Variants in LIPF observed in about 807,000 individuals in gnomAD.
LIPF encodes lipase F, gastric type, also known as gastric triacylglycerol lipase.
Under a neutral mutation model 38.0 loss-of-function variants are expected in LIPF, and 25 were observed. That is an observed-to-expected ratio of 0.66 (90% CI 0.48 to 0.92). The LOEUF is 0.92. Among genes scored for constraint, LIPF ranks in the 40% least tolerant of loss-of-function variants. The pLI is 0.00. For missense variants in LIPF, 410 were observed against 469.9 expected (o/e 0.87, Z 1.18); for synonymous variants, 161 against 156.2 (o/e 1.03, Z -0.23).
intron 9 of LIPF, among the ~76,000 whole-genome samples, chr10:88,676,490 C>T (rs1262974381): frequency 6.6e-6 from 1 of 152,184 alleles, no homozygotes; most frequent in African/African-American, 2.4e-5. Flanking sequence ...GTACTACACC[C>T]CTGTGTGTGA....
rs543843376 is a variant in LIPF at position 88,678,459 on chromosome 10, C to T, written c.975C>T (p.Tyr325=). 9.1e-4 allele frequency: 1,473 copies of T among 1,613,746 alleles called. 22 individuals carry two copies. The South Asian group carries it at 0.015, about 17-fold the overall frequency. The part of the protein sequence containing the change: ...RMHYDQSQPP[Y]YNVTAMNVPI... ...GTGTTTTCTAGTCCCAACCTCCCTA[C>T]TACAATGTGACAGCCATGAATGTAC... Residue 325 remains tyrosine (Y), a synonymous_variant, in exon 10 of 10, where the codon TAC becomes TAT. Coordinates refer to ENST00000238983, the MANE Select transcript of LIPF (RefSeq NM_004190.4).
chr10:88,668,677 C>G lies in LIPF; in HGVS notation c.343C>G (p.Leu115Val). The G allele has an allele frequency of 6.2e-7, 1 of 1,614,110 alleles. No individual in the cohort carries two copies. Among genetic ancestry groups the G allele is most frequent in the Non-Finnish European group, 8.5e-7 (1 of 1,179,984 alleles). Residue 115 changes from leucine to valine, a missense_variant, in exon 4 of 10, where the codon CTG becomes GTG. Leu to Val is a conservative substitution (Grantham distance 32). Coordinates refer to ENST00000238983, the MANE Select transcript of LIPF (RefSeq NM_004190.4). ...GGCAGATGCTGGTTATGATGTGTGGCTGGGCAACAGCAGAGGAAACACCTG... is the reference window on the plus strand; with the variant it reads ...GGCAGATGCTGGTTATGATGTGTGGGTGGGCAACAGCAGAGGAAACACCTG... ...ILADAGYDVWLGNSRGNTWAR... is the reference protein window; with the variant it reads ...ILADAGYDVWVGNSRGNTWAR...
chr10:88,677,307 C>A (rs1334446405), intron 9 of LIPF, among the ~76,000 whole-genome samples: 1 of 152,166 alleles, frequency 6.6e-6, no homozygotes, highest in African/African-American at 2.4e-5. Context: ...CTTTGAGTCT[C>A]TCTTTCTACT....
At chr10:88,664,537 A>AT (rs1244018953) in intron 1 of LIPF, 46 bp downstream of exon 1, 4 of 152,572 alleles carry the variant, frequency 2.6e-5, no homozygotes, top group East Asian at 1.9e-4. Context: ...GAATTATTAG[A>AT]TTTTTTCTTT....
intron 6 of LIPF, among the ~76,000 whole-genome samples, chr10:88,672,657 C>T (rs1034326628): frequency 2.2e-5 from 3 of 139,500 alleles, no homozygotes; most frequent in Admixed American, 7.2e-5. Context: ...CACACACACA[C>T]ACACACACAC....
chr10:88,667,379 A>C lies in LIPF; in HGVS notation c.82A>C (p.Ser28Arg), dbSNP rs1841528289. 2 of 1,602,342 alleles carry C rather than the reference A, an allele frequency of 1.2e-6. No homozygotes were observed. Among genetic ancestry groups the C allele is most frequent in the Non-Finnish European group, 1.7e-6 (2 of 1,169,374 alleles). ...TTTGTTTGGAAAATTACATCCTGGA[A>C]GCCCTGAAGTGACTATGAACATTGT... The part of the protein sequence containing the change: ...HGLFGKLHPG[S>R]PEVTMNISQM... Residue 28 changes from serine (S) to arginine (R), a missense_variant, in exon 2 of 10, where the codon AGC becomes CGC. By Grantham distance (110) the Ser-to-Arg change is moderately radical (BLOSUM62 -1). Transcript: ENST00000238983.
chr10:88,665,928 G>A (rs1039090942), intron 1 of LIPF, among the ~76,000 whole-genome samples: 3 of 151,882 alleles, frequency 2.0e-5, no homozygotes, highest in Non-Finnish European at 2.9e-5. Flanking sequence ...TAGTAGAGAC[G>A]TGGTTTCACC....
At chr10:88,667,865 T>C (rs976543089) in intron 3 of LIPF, among the ~76,000 whole-genome samples, 179 bp downstream of exon 3, 2 of 152,226 alleles carry the variant, frequency 1.3e-5, no homozygotes, top group Admixed American at 1.3e-4. Flanking sequence ...AAAAATAAGC[T>C]ATATTTTCAG....
Position 88,668,757 on chromosome 10 carries a change from G to A in LIPF, c.422+1G>A, listed in dbSNP as rs147791767. 1 of 1,612,344 alleles carries A rather than the reference G, an allele frequency of 6.2e-7. No homozygotes were observed. The highest frequency in any genetic ancestry group is 1.1e-5 in the South Asian group (1 of 90,956). Reference sequence around the variant, plus strand: ...ATTCAGTTGAATTCTGGGCTTTCAGGTAAACAAAAGGGACAATTAAAAATA... The same window carrying A: ...ATTCAGTTGAATTCTGGGCTTTCAGATAAACAAAAGGGACAATTAAAAATA... On this transcript the variant is annotated splice_donor_variant, in intron 4 of 9. Coordinates refer to ENST00000238983, the MANE Select transcript of LIPF (RefSeq NM_004190.4). LOFTEE classifies it high-confidence loss of function.
rs570876076 is a variant in LIPF, at chr10:88,664,510, G to A, written c.-12+19G>A. The A allele has an allele frequency of 6.5e-5, 10 of 152,762 alleles. No individual in the cohort carries two copies. Among genetic ancestry groups the A allele is most frequent in the African/African-American group, 2.4e-4 (10 of 41,560 alleles). 9.5% of individuals were successfully genotyped at this position (152,762 alleles called of 1,614,324 possible). A position where few individuals can be genotyped will look rare whatever the true frequency, so the allele number is the denominator to read the frequency against. Reference sequence around the variant, plus strand: ...GGAAACTGTAAGTAGAACTTCTGCTGAACAAAATTGTTATTTGAATTATTA... The same window carrying A: ...GGAAACTGTAAGTAGAACTTCTGCTAAACAAAATTGTTATTTGAATTATTA... On this transcript the variant is annotated intron_variant, in intron 1 of 9. Coordinates refer to ENST00000238983, the MANE Select transcript of LIPF (RefSeq NM_004190.4).
At chr10:88,675,744 T>C in intron 8 of LIPF, 87 bp downstream of exon 8, 1 of 884,102 alleles carries the variant, frequency 1.1e-6, no homozygotes, top group Non-Finnish European at 1.8e-6. Flanking sequence ...AATATCCTGC[T>C]GAGTACACCT....
intron 9 of LIPF, among the ~76,000 whole-genome samples, chr10:88,677,255 C>T (rs11202807): frequency 0.032 from 4,923 of 152,094 alleles, 113 homozygotes; most frequent in Admixed American, 0.052. Context: ...ACATTTTTTC[C>T]TCCACCATCA....
rs1406553826 is a variant in LIPF at position 88,667,409 on chromosome 10, T to C, written c.105+7T>C. ...TGAAGTGACTATGAACATTGTAAGTTACTCTGGGGAAAAACTCTATAAAAC... is the reference window on the plus strand; with the variant it reads ...TGAAGTGACTATGAACATTGTAAGTCACTCTGGGGAAAAACTCTATAAAAC... On this transcript the variant is annotated splice_region_variant and intron_variant, in intron 2 of 9. Transcript: ENST00000238983. The C allele has an allele frequency of 2.6e-6, 4 of 1,511,746 alleles. No individual in the cohort carries two copies. The highest frequency in any genetic ancestry group is 3.7e-6 in the Non-Finnish European group (4 of 1,091,074). 93.6% of individuals were successfully genotyped at this position (1,511,746 alleles called of 1,614,324 possible).
rs751323589 is a variant in LIPF at position 88,671,859 on chromosome 10, T to C, written c.563T>C (p.Leu188Pro). ...ATTGCCTTTTCCACCAATCCCAGCC[T>C]GGCTAAAAGAATCAAAACCTTCTAT... ...GFIAFSTNPS[L>P]AKRIKTFYAL... Residue 188 changes from leucine (L) to proline (P), a missense_variant, in exon 6 of 10, where the codon CTG (leucine) becomes CCG (proline). Transcript: ENST00000238983. 1.2e-6 allele frequency: 2 copies of C among 1,613,354 alleles called. No homozygotes were observed. Among genetic ancestry groups the C allele is most frequent in the Non-Finnish European group, 1.7e-6 (2 of 1,179,662 alleles).
rs1038601211 is a variant in LIPF at position 88,676,119 on chromosome 10, A to C, written c.889-90A>C. 11 of 710,260 alleles carry C rather than the reference A, an allele frequency of 1.5e-5. No individual in the cohort carries two copies. In the African/African-American group the frequency reaches 1.7e-4, roughly 11 times the overall value. The allele number at this position is 710,260 out of a possible 1,614,324, so 44.0% of individuals were successfully genotyped here. On this transcript the variant is annotated intron_variant, in intron 8 of 9. Coordinates refer to ENST00000238983, the MANE Select transcript of LIPF (RefSeq NM_004190.4). ...AAAAATGTTTCTTAATAATTGTTTAAATTGAAAATAAACTGCTTGGAAATG... is the reference window on the plus strand; with the variant it reads ...AAAAATGTTTCTTAATAATTGTTTACATTGAAAATAAACTGCTTGGAAATG...
rs138641581 is a variant in LIPF at position 88,675,589 on chromosome 10, C to T, written c.820C>T (p.Arg274Cys). 2.4e-5 allele frequency: 38 copies of T among 1,606,174 alleles called. No individual in the cohort carries two copies. The highest frequency in any genetic ancestry group is 1.3e-4 in the East Asian group (6 of 44,794). Residue 274 changes from arginine (R) to cysteine (C), a missense_variant, in exon 8 of 10, where the codon CGC (arginine) becomes TGC (cysteine). Coordinates refer to ENST00000238983, the MANE Select transcript of LIPF (RefSeq NM_004190.4). The stretch of plus-strand genomic sequence containing the variant: ...ATGTGTGTCTGTTGATTTCTAGAGT[C>T]GCTTGGATGTGTATCTATCACATAA... Reference protein sequence around the residue: ...GFDSKNFNTSRLDVYLSHNPA... With the variant: ...GFDSKNFNTSCLDVYLSHNPA...
At chr10:88,670,532 C>T (rs17333825) in intron 5 of LIPF, among the ~76,000 whole-genome samples, 1 of 152,272 alleles carries the variant, frequency 6.6e-6, no homozygotes, top group Non-Finnish European at 1.5e-5. Flanking sequence ...GAGAGTGAGT[C>T]ATGTGCCTAC....
Position 88,673,880 on chromosome 10 carries a change from G to A in LIPF, c.816+146G>A, listed in dbSNP as rs1590113557. 4.4e-6 allele frequency: 3 copies of A among 680,118 alleles called. No homozygotes were observed. In the East Asian group the frequency reaches 7.9e-5, roughly 18 times the overall value. 42.1% of individuals were successfully genotyped at this position (680,118 alleles called of 1,614,324 possible). A position where few individuals can be genotyped will look rare whatever the true frequency, so the allele number is the denominator to read the frequency against. ...AACATGAGAGAAATCACAAATCATT[G>A]CTCCCAATTTAATCACTTCCAGCAT... On this transcript the variant is annotated intron_variant, in intron 7 of 9. Transcript: ENST00000238983.
chr10:88,668,526 T>C (rs765696592), intron 3 of LIPF, 32 bp from the exon 4 acceptor site: 45 of 1,594,680 alleles, frequency 2.8e-5, no homozygotes, highest in Non-Finnish European at 3.6e-5. Context: ...AAGGAATACA[T>C]TTATAAAGTT....
Sources: allele counts gnomAD v4.1 joint callset (sites outside exome capture counted in the v4.1 genomes callset), GRCh38; gene constraint gnomAD v4.1.1; transcripts MANE v1.5; gene names NCBI Gene and HGNC (gene_info 2026-07-23, HGNC 2026-07-21).